The following PPP2R2C variants were observed in gnomAD, a reference collection of about 807,000 sequenced individuals.
The protein encoded by PPP2R2C is protein phosphatase 2, regulatory subunit B, gamma.
In PPP2R2C, 10 loss-of-function variants were observed where a neutral mutation model predicts 45.3. The ratio of observed to expected loss-of-function variants is 0.22; its 90% CI spans 0.14 to 0.37. PPP2R2C has a LOEUF of 0.37. PPP2R2C is among the 10% of genes least tolerant of loss of function. PPP2R2C has a pLI of 1.00. For missense variants in PPP2R2C, 308 were observed against 619.7 expected (o/e 0.50, Z 5.34); for synonymous variants, 257 against 245.4 (o/e 1.05, Z -0.44).
Position 6,330,690 on chromosome 4 carries a change from A to T in PPP2R2C, c.961-1337T>A, listed in dbSNP as rs1490147219. Among the ~76,000 whole-genome samples the T allele has an allele frequency of 6.6e-6, 1 of 152,068 alleles. No individual in the cohort carries two copies. The highest frequency in any genetic ancestry group is 2.4e-5 in the African/African-American group (1 of 41,376). On this transcript the variant is annotated intron_variant, in intron 7 of 8. Coordinates refer to ENST00000382599, the MANE Select transcript of PPP2R2C (RefSeq NM_020416.4). This position sits in a 1 kb window ranked among gnomAD's most constrained non-coding sequence, Gnocchi z 7.0. ...AAATCTCCCTTCTTTCTCAGTCTCT[A>T]TCCCCATCCTGTTGGTTCTGTTTCT...
intron 1 of PPP2R2C, among the ~76,000 whole-genome samples, chr4:6,411,424 C>G (rs928858603): frequency 1.7e-4 from 26 of 152,256 alleles, no homozygotes; most frequent in African/African-American, 5.5e-4. Flanking sequence ...GGAGGTGTCT[C>G]CTCCCATCAT....
At chr4:6,341,682 T>C (rs1733454998) in intron 6 of PPP2R2C, among the ~76,000 whole-genome samples, 1 of 152,060 alleles carries the variant, frequency 6.6e-6, no homozygotes, top group Non-Finnish European at 1.5e-5. Context: ...ATGGGCCCAA[T>C]GTCATCACAA....
intron 1 of PPP2R2C, chr4:6,382,238 G>T (rs11936718): frequency 0.13 from 161,794 of 1,212,782 alleles, 12,062 homozygotes; most frequent in African/African-American, 0.28. Context: ...TAGGAGCCCG[G>T]GATGGCCCGC....
intron 5 of PPP2R2C, among the ~76,000 whole-genome samples, chr4:6,359,865 G>A (rs571899010): frequency 1.3e-5 from 2 of 152,298 alleles, no homozygotes; most frequent in African/African-American, 2.4e-5. Flanking sequence ...CTGCTGACTG[G>A]AAATATAGCC....
intron 2 of PPP2R2C, among the ~76,000 whole-genome samples, chr4:6,499,384 T>C (rs1409661553): frequency 6.6e-6 from 1 of 152,148 alleles, no homozygotes; most frequent in Non-Finnish European, 1.5e-5. Context: ...CTTCTCTCCC[T>C]TCGGCTGCAT....
intron 1 of PPP2R2C, among the ~76,000 whole-genome samples, chr4:6,537,217 G>A (rs1002654102): frequency 6.6e-6 from 1 of 151,832 alleles, no homozygotes; most frequent in Non-Finnish European, 1.5e-5. Context: ...AAAAAAGGAA[G>A]AATGACATCA....
chr4:6,363,495 C>G (rs528247891), intron 5 of PPP2R2C, among the ~76,000 whole-genome samples: 3 of 151,838 alleles, frequency 2.0e-5, no homozygotes, highest in Non-Finnish European at 4.4e-5. Flanking sequence ...AGGAGAATGG[C>G]GTGAACCTGG....
chr4:6,448,054 CG>C (rs1720528199), intron 1 of PPP2R2C, among the ~76,000 whole-genome samples: 1 of 152,108 alleles, frequency 6.6e-6, no homozygotes, highest in Admixed American at 6.5e-5. Flanking sequence ...GCACTACGAC[CG>C]GGGGATGCAC....
intron 2 of PPP2R2C, among the ~76,000 whole-genome samples, chr4:6,506,378 A>G (rs1451971590): frequency 6.6e-6 from 1 of 152,252 alleles, no homozygotes; most frequent in South Asian, 2.1e-4. Flanking sequence ...GGGTCTCTGT[A>G]TTATGATTTT....
intron 1 of PPP2R2C, among the ~76,000 whole-genome samples, chr4:6,409,334 G>A (rs747152839): frequency 6.6e-6 from 1 of 152,192 alleles, no homozygotes; most frequent in African/African-American, 2.4e-5. Flanking sequence ...TAGGACCTGC[G>A]AGAGTGCAGC....
intron 1 of PPP2R2C, among the ~76,000 whole-genome samples, chr4:6,393,884 CACCCAGCCTGGCTTCAGCACGACCA>C (rs1215934967): frequency 6.6e-6 from 1 of 152,224 alleles, no homozygotes; most frequent in Non-Finnish European, 1.5e-5. Flanking sequence ...GCCAGGATGA[CACCCAGCCTGGCTTCAGCACGACCA>C]ACCCTCCATC....
At chr4:6,530,452 C>CT (rs1409767045) in intron 2 of PPP2R2C, among the ~76,000 whole-genome samples, 2 of 152,220 alleles carry the variant, frequency 1.3e-5, no homozygotes, top group African/African-American at 4.8e-5. Flanking sequence ...GGAGGCGCTG[C>CT]TTTGGGGACC....
intron 5 of PPP2R2C, among the ~76,000 whole-genome samples, chr4:6,360,067 G>C (rs966367640): frequency 6.6e-6 from 1 of 152,208 alleles, no homozygotes; most frequent in Non-Finnish European, 1.5e-5. Context: ...TTGAGACATG[G>C]TAATAACCCC....
intron 1 of PPP2R2C, among the ~76,000 whole-genome samples, chr4:6,428,463 C>T (rs951345466): frequency 5.3e-5 from 8 of 152,148 alleles, no homozygotes; most frequent in Non-Finnish European, 8.8e-5. Context: ...TAGCACAGTC[C>T]GGGAGCTCAG....
At chr4:6,448,133 C>T (rs780323601) in intron 1 of PPP2R2C, among the ~76,000 whole-genome samples, 21 of 152,154 alleles carry the variant, frequency 1.4e-4, no homozygotes, top group Admixed American at 5.9e-4. Context: ...GAAGAAAGAT[C>T]GTCACGGCAG....
chr4:6,375,552 C>T lies in PPP2R2C; in HGVS notation c.447+267G>A, dbSNP rs1405343984. On this transcript the variant is annotated intron_variant, in intron 4 of 8. Coordinates refer to ENST00000382599, the MANE Select transcript of PPP2R2C (RefSeq NM_020416.4). ...ACAAGGGATTATCTGCCTTGCTCTC[C>T]ACCCTCAGCTATAGGTGAAAAGCAC... Among the ~76,000 whole-genome samples the T allele has an allele frequency of 5.3e-5, 8 of 152,336 alleles. No homozygotes were observed. The East Asian group carries it at 9.6e-4, about 18-fold the overall frequency.
intron 1 of PPP2R2C, among the ~76,000 whole-genome samples, chr4:6,423,061 C>T (rs1033613672): frequency 1.1e-4 from 17 of 152,208 alleles, no homozygotes; most frequent in African/African-American, 3.1e-4. Context: ...GCTGGCTCCC[C>T]GATGGCTGTG....
Position 6,420,831 on chromosome 4 carries a change from G to C in PPP2R2C, c.71-39737C>G, listed in dbSNP as rs999580535. 4.7e-6 allele frequency: 3 copies of C among 636,310 alleles called. No homozygotes were observed. In the African/African-American group the frequency reaches 5.9e-5, roughly 13 times the overall value. 39.4% of individuals were successfully genotyped at this position (636,310 alleles called of 1,614,324 possible). ...AGTATTTGACATGGAATGACGGCTG[G>C]GACATGCCAGTGCCCAGGTCTGTGC... On this transcript the variant is annotated intron_variant, in intron 1 of 8. Coordinates refer to ENST00000382599, the MANE Select transcript of PPP2R2C (RefSeq NM_020416.4).
intron 1 of PPP2R2C, among the ~76,000 whole-genome samples, chr4:6,410,395 C>T (rs1718084958): frequency 6.6e-6 from 1 of 152,124 alleles, no homozygotes; most frequent in Non-Finnish European, 1.5e-5. Flanking sequence ...GGGTGGTGGC[C>T]ACGAGTGAGT....
Sources: gnomAD v4.1 joint callset for allele counts (sites outside exome capture counted in the v4.1 genomes callset) on GRCh38, gnomAD v4.1.1 for gene constraint, Gnocchi (gnomAD v3.1) non-coding constraint, MANE v1.5 for transcripts, NCBI Gene and HGNC (gene_info 2026-07-23, HGNC 2026-07-21) for gene names.